STXBP5: variants seen among roughly 807,000 people sequenced by gnomAD.
STXBP5 encodes the protein syntaxin-binding protein 5.
A neutral mutation model predicts 152.4 loss-of-function variants in STXBP5; 50 were observed. The observed-to-expected ratio is 0.33, with a 90% confidence interval of 0.26 to 0.42. The LOEUF (loss-of-function observed/expected upper bound fraction) is 0.42, where lower values mean the gene tolerates loss of function less well. Ranked by LOEUF, STXBP5 falls within the 10% of genes least tolerant of loss-of-function variation. STXBP5 has a pLI of 1.00. For synonymous variants in STXBP5, 492 were observed against 494.7 expected, an observed-to-expected ratio of 0.99 and a Z score of 0.07; for missense variants, 1,167 against 1,388.6, an observed-to-expected ratio of 0.84 and a Z score of 2.54.
intron 21 of STXBP5, chr6:147,351,990 G>A (rs1280662577): frequency 1.5e-6 from 1 of 670,296 alleles, no homozygotes. Context: ...CACATAGGAA[G>A]CACTTTTCTT....
At chr6:147,218,191 C>T (rs1777272009) in intron 2 of STXBP5, among the ~76,000 whole-genome samples, 5 of 152,178 alleles carry the variant, frequency 3.3e-5, no homozygotes, top group Admixed American at 3.3e-4. Flanking sequence ...ATTGACACAT[C>T]ATTTTCATCC....
At chr6:147,235,178 G>A in intron 2 of STXBP5, 72 bp from the exon 3 acceptor site, 1 of 1,285,846 alleles carries the variant, frequency 7.8e-7, no homozygotes, top group Non-Finnish European at 1.1e-6. Context: ...ATATTTATCA[G>A]CCTATTATAT....
intron 21 of STXBP5, among the ~76,000 whole-genome samples, chr6:147,349,396 C>T (rs538678082): frequency 6.6e-6 from 1 of 152,252 alleles, no homozygotes; most frequent in South Asian, 2.1e-4. Flanking sequence ...TGTTCTTTAT[C>T]TTGCTCGTTC....
intron 8 of STXBP5, among the ~76,000 whole-genome samples, chr6:147,283,834 G>T (rs778503552): frequency 2.0e-5 from 3 of 152,116 alleles, no homozygotes; most frequent in Admixed American, 2.0e-4. Context: ...AATCAACTTT[G>T]TACACTCATT....
intron 2 of STXBP5, among the ~76,000 whole-genome samples, chr6:147,228,479 G>A (rs73582521): frequency 1.1e-3 from 166 of 151,994 alleles, no homozygotes; most frequent in African/African-American, 3.8e-3. Flanking sequence ...GACTAATTTC[G>A]TTTATCATTC....
At position 147,215,481 on chromosome 6, in the gene STXBP5, AG is replaced by A. The variant is rs1562413958; in HGVS notation, c.248+9416del. 3.3e-5 allele frequency among the ~76,000 whole-genome samples: 5 copies of A among 152,250 alleles called. No homozygotes were observed. In the South Asian group the frequency reaches 1.0e-3, roughly 32 times the overall value. ...CTACAACCTCTGCCTCCCAGGCTCA[AG>A]GGATCCTCCCACCTCAGTCCCCCAA... On this transcript the variant is annotated intron_variant, in intron 2 of 27. Transcript: ENST00000321680.
chr6:147,309,999 T>C (rs531590839), intron 9 of STXBP5, 85 bp from the exon 10 acceptor site: 282 of 952,332 alleles, frequency 3.0e-4, no homozygotes, highest in Admixed American at 1.2e-3. Context: ...GATTTTGTTA[T>C]TTCACTAAAT....
intron 3 of STXBP5, among the ~76,000 whole-genome samples, chr6:147,237,600 T>C (rs1002062843): frequency 3.3e-5 from 5 of 152,226 alleles, no homozygotes; most frequent in Non-Finnish European, 5.9e-5. Flanking sequence ...GTGATGTAGA[T>C]AAAACGATGC....
At chr6:147,297,318 C>CA (rs377724366) in intron 9 of STXBP5, among the ~76,000 whole-genome samples, 27 of 152,228 alleles carry the variant, frequency 1.8e-4, no homozygotes, top group East Asian at 5.8e-4. Context: ...GCTGAAAGAA[C>CA]AAAACCTGTC....
chr6:147,367,617 G>A (rs561628715), intron 25 of STXBP5, among the ~76,000 whole-genome samples: 2 of 152,108 alleles, frequency 1.3e-5, no homozygotes, highest in South Asian at 2.1e-4. Flanking sequence ...CAGCCTGGGT[G>A]ACAAAGCGAG....
chr6:147,307,039 A>G (rs1222702895), intron 9 of STXBP5, among the ~76,000 whole-genome samples: 1 of 152,234 alleles, frequency 6.6e-6, no homozygotes. Flanking sequence ...AATTAGTTAT[A>G]CAAATGGCTT....
At chr6:147,304,912 C>G (rs1294817638) in intron 9 of STXBP5, among the ~76,000 whole-genome samples, 1 of 152,036 alleles carries the variant, frequency 6.6e-6, no homozygotes, top group African/African-American at 2.4e-5. Flanking sequence ...TGCCTGTATC[C>G]CCATTGTATC....
chr6:147,287,536 T>G (rs1261442445), intron 8 of STXBP5, among the ~76,000 whole-genome samples: 1 of 152,212 alleles, frequency 6.6e-6, no homozygotes. Context: ...AGAGTGGAAC[T>G]GGATTGTTTG....
chr6:147,293,402 C>A (rs1036873336), intron 9 of STXBP5: 43 of 152,296 alleles, frequency 2.8e-4, no homozygotes, highest in African/African-American at 9.4e-4. Context: ...TGGCCTCTTT[C>A]CTTGAAATAG....
At chr6:147,260,836 A>G in intron 5 of STXBP5, 87 bp downstream of exon 5, 9 of 1,425,490 alleles carry the variant, frequency 6.3e-6, no homozygotes, top group South Asian at 4.1e-5. Flanking sequence ...GTAAATCTGT[A>G]TGGAATTAAA....
chr6:147,362,379 C>A (rs918989195), intron 23 of STXBP5, among the ~76,000 whole-genome samples: 1 of 152,030 alleles, frequency 6.6e-6, no homozygotes, highest in African/African-American at 2.4e-5. Flanking sequence ...AGCTATCTAC[C>A]CTGCCTTCCA....
intron 15 of STXBP5, among the ~76,000 whole-genome samples, chr6:147,316,008 A>G (rs1782624272): frequency 6.6e-6 from 1 of 152,184 alleles, no homozygotes; most frequent in Non-Finnish European, 1.5e-5. Context: ...CGAGTACCAT[A>G]CATTCTAAAA....
At chr6:147,284,223 G>A (rs79100081) in intron 8 of STXBP5, among the ~76,000 whole-genome samples, 4,796 of 151,956 alleles carry the variant, frequency 0.032, 192 homozygotes, top group East Asian at 0.15. Flanking sequence ...GTAGACTTAC[G>A]GCTACCCTAT....
At chr6:147,253,421 C>A (rs1018742440) in intron 4 of STXBP5, among the ~76,000 whole-genome samples, 1 of 152,198 alleles carries the variant, frequency 6.6e-6, no homozygotes, top group Admixed American at 6.5e-5. Context: ...TCTCTCCCCA[C>A]TCCTGTCCAA....
Sources: gnomAD v4.1 joint callset for allele counts (sites outside exome capture counted in the v4.1 genomes callset) on GRCh38, gnomAD v4.1.1 for gene constraint, MANE v1.5 for transcripts, NCBI Gene and HGNC (gene_info 2026-07-23, HGNC 2026-07-21) for gene names.